RDH13: variants seen among roughly 807,000 people sequenced by gnomAD.
RDH13 encodes retinol dehydrogenase 13.
RDH13 carries 35 observed loss-of-function variants against 28.3 expected under a neutral mutation model. The observed-to-expected ratio is 1.24, with a 90% CI of 0.95 to 1.64. The LOEUF (loss-of-function observed/expected upper bound fraction) is 1.64, where lower values mean the gene tolerates loss of function less well. Among genes scored for constraint, RDH13 ranks in the 40% most tolerant of loss-of-function variants. The pLI is 0.00. For missense variants in RDH13, 514 were observed against 446.3 expected, an observed-to-expected ratio of 1.15 and a Z score of -1.37; for synonymous variants, 229 against 198.5, an observed-to-expected ratio of 1.15 and a Z score of -1.29.
At chr19:55,059,831 T>C (rs2075756305) in intron 1 of RDH13, among the ~76,000 whole-genome samples, 1 of 152,252 alleles carries the variant, frequency 6.6e-6, no homozygotes, top group South Asian at 2.1e-4. Context: ...CCAGCCACTT[T>C]GACCCAATCT....
intron 2 of RDH13, among the ~76,000 whole-genome samples, chr19:55,057,472 A>C (rs1227700172): frequency 1.4e-5 from 2 of 143,736 alleles, no homozygotes; most frequent in Non-Finnish European, 1.5e-5. Context: ...TCACTCTGTC[A>C]CCCAGGCTGG....
upstream of RDH13, among the ~76,000 whole-genome samples, chr19:55,064,846 CAG>C (rs529040650): frequency 8.1e-4 from 122 of 149,956 alleles, 2 homozygotes; most frequent in South Asian, 0.018. Flanking sequence ...CTCCTGACCT[CAG>C]GTGATCCACC....
At chr19:55,048,288 A>G (rs1232611970) in intron 5 of RDH13, 41 bp downstream of exon 5, 1 of 1,611,944 alleles carries the variant, frequency 6.2e-7, no homozygotes, top group Admixed American at 1.7e-5. Flanking sequence ...CTCTAGGCTC[A>G]GAGTAAAGCA....
chr19:55,045,189 T>G lies in RDH13; in HGVS notation c.881A>C (p.Lys294Thr), dbSNP rs367996469. The change falls in exon 7 of 7, where the codon AAG (lysine) becomes ACG (threonine). Residue 294 changes from lysine (K) to threonine (T), a missense_variant. Lys to Thr is a moderately conservative substitution (Grantham distance 78, BLOSUM62 -1). Coordinates refer to ENST00000415061, the MANE Select transcript of RDH13 (RefSeq NM_001145971.2). Reference protein sequence around the residue: ...SGKYFDGLKQKAPAPEAEDEE... With the variant: ...SGKYFDGLKQTAPAPEAEDEE... ...ATCCTCAGCCTCGGGGGCCGGGGCCTTCTGTTTGAGTCCATCGAAGTACTT... is the reference window on the plus strand; with the variant it reads ...ATCCTCAGCCTCGGGGGCCGGGGCCGTCTGTTTGAGTCCATCGAAGTACTT... 5 of 1,613,544 alleles carry G rather than the reference T, an allele frequency of 3.1e-6. No individual in the cohort carries two copies. Among genetic ancestry groups the G allele is most frequent in the Non-Finnish European group, 1.7e-6 (2 of 1,180,030 alleles).
chr19:55,060,245 A>G (rs1025457624), intron 1 of RDH13, among the ~76,000 whole-genome samples: 3 of 151,448 alleles, frequency 2.0e-5, no homozygotes, highest in Non-Finnish European at 4.4e-5. Flanking sequence ...CTGATTGTAC[A>G]TTTGTTCAAT....
intron 3 of RDH13, 99 bp from the exon 4 acceptor site, chr19:55,048,862 TGGCCTGTGCCGGAAACAG>T: frequency 9.2e-7 from 1 of 1,082,304 alleles, no homozygotes; most frequent in Non-Finnish European, 1.4e-6. Flanking sequence ...CCTGTGAATG[TGGCCTGTGCCGGAAACAG>T]GGTCTGTGCC....
Position 55,048,370 on chromosome 19 carries a change from G to A in RDH13, c.617C>T (p.Ala206Val), listed in dbSNP as rs2075309964. Reference protein sequence around the residue: ...TKAAYCQSKLAIVLFTKELSR... With the variant: ...TKAAYCQSKLVIVLFTKELSR... ...CAGCTCCTTGGTGAAGAGGACGATG[G>A]CGAGCTTGCTCTGGCAGTAGGCGGC... Residue 206 changes from alanine (A) to valine (V), a missense_variant, in exon 5 of 7, where the codon GCC (alanine) becomes GTC (valine). Ala to Val is a moderately conservative substitution (Grantham distance 64, BLOSUM62 0). Transcript: ENST00000415061. 6.2e-7 allele frequency: 1 copy of A among 1,614,082 alleles called. No individual in the cohort carries two copies. The highest frequency in any genetic ancestry group is 1.7e-5 in the Admixed American group (1 of 59,992).
At position 55,059,221 on chromosome 19, in the gene RDH13, C is replaced by T. The variant is rs369685132; in HGVS notation, c.120G>A (p.Thr40=). 62 of 1,605,700 alleles carry T rather than the reference C, an allele frequency of 3.9e-5. No homozygotes were observed. The African/African-American group carries it at 6.0e-4, about 16-fold the overall frequency. The change falls in exon 2 of 7, where the codon ACG becomes ACA. Residue 40 remains threonine, a synonymous_variant. Coordinates refer to ENST00000415061, the MANE Select transcript of RDH13 (RefSeq NM_001145971.2). ...CTGTGTTGGCACCCGTCACGATGACCGTCTTCCCAGGGATGGTGGCCTTGC... is the reference window on the plus strand; with the variant it reads ...CTGTGTTGGCACCCGTCACGATGACTGTCTTCCCAGGGATGGTGGCCTTGC... The part of the protein sequence containing the change: ...CPSKATIPGK[T]VIVTGANTGI...
At chr19:55,051,962 G>A (rs2147023798) in intron 3 of RDH13, among the ~76,000 whole-genome samples, 1 of 151,676 alleles carries the variant, frequency 6.6e-6, no homozygotes, top group East Asian at 2.0e-4. Flanking sequence ...GAATTTCTGA[G>A]CTTAGGCAAT....
intron 3 of RDH13, chr19:55,053,950 G>GCATTGCCCTCT (rs2075547530): frequency 6.6e-6 from 1 of 151,896 alleles, no homozygotes; most frequent in Non-Finnish European, 1.5e-5. Flanking sequence ...AGACTCTGAG[G>GCATTGCCCTCT]CATTGCCCTC....
downstream of RDH13, chr19:55,040,774 A>G (rs1471591910): frequency 6.6e-6 from 1 of 152,244 alleles, no homozygotes; most frequent in African/African-American, 2.4e-5. Context: ...CACTTATTGA[A>G]CGAGTGGTTT....
chr19:55,043,545 G>C (rs1334862509), downstream of RDH13, among the ~76,000 whole-genome samples: 3 of 151,856 alleles, frequency 2.0e-5, no homozygotes, highest in African/African-American at 7.3e-5. Flanking sequence ...GTGGGCGCCT[G>C]TAATCCCAGC....
chr19:55,051,478 C>T (rs1452617189), intron 3 of RDH13, among the ~76,000 whole-genome samples: 2 of 151,572 alleles, frequency 1.3e-5, no homozygotes, highest in Non-Finnish European at 2.9e-5. Flanking sequence ...GGCTGGAGTG[C>T]AGTGGTGTGA....
upstream of RDH13, among the ~76,000 whole-genome samples, chr19:55,066,324 C>T (rs939539151): frequency 2.2e-4 from 34 of 152,128 alleles, no homozygotes; most frequent in African/African-American, 8.0e-4. Flanking sequence ...TTTGCTTTCC[C>T]CATCAGAGGG....
At chr19:55,046,938 G>C (rs1378920989) in intron 6 of RDH13, 1 of 176,258 alleles carries the variant, frequency 5.7e-6, no homozygotes, top group Non-Finnish European at 1.2e-5. Flanking sequence ...CTATTCTCTG[G>C]GCGGGGTCCT....
chr19:55,067,382 A>G (rs2075980282), upstream of RDH13: 1 of 152,142 alleles, frequency 6.6e-6, no homozygotes, highest in African/African-American at 2.4e-5. Context: ...CGGCCATGTG[A>G]GCCGGCAAGA....
Position 55,049,929 on chromosome 19 carries a change from TC to T in RDH13, c.341-1167del, listed in dbSNP as rs1336927670. On this transcript the variant is annotated intron_variant, in intron 3 of 6. Coordinates refer to ENST00000415061, the MANE Select transcript of RDH13 (RefSeq NM_001145971.2). ...GGCTCACAGGTGACCATCTCCTCTC[TC>T]CCTCTTCCCTTCCTCTTCCCTTTGG... Among the ~76,000 whole-genome samples the T allele has an allele frequency of 2.0e-3, 215 of 106,742 alleles. 1 individual carries two copies. The highest frequency in any genetic ancestry group is 0.013 in the South Asian group (47 of 3,560). 70.0% of individuals were successfully genotyped at this position (106,742 alleles called of 152,430 possible).
chr19:55,066,711 CTCTT>C (rs1206676180), upstream of RDH13, among the ~76,000 whole-genome samples: 1 of 151,534 alleles, frequency 6.6e-6, no homozygotes, highest in Non-Finnish European at 1.5e-5. Flanking sequence ...CTTCCTCTCT[CTCTT>C]CTTGTGTGTG....
Position 55,048,471 on chromosome 19 carries a change from G to C in RDH13, c.516C>G (p.Leu172=). 6.2e-7 allele frequency: 1 copy of C among 1,614,254 alleles called. No homozygotes were observed. Among genetic ancestry groups the C allele is most frequent in the South Asian group, 1.1e-5 (1 of 91,088 alleles). The part of the protein sequence containing the change: ...KASAPSRIIN[L]SSLAHVAGHI... ...GCCCAGCAACATGGGCCAGGGACGA[G>C]AGGTTGATGATCCGCGAAGGGGCTG... The change falls in exon 5 of 7, where the codon CTC becomes CTG. Residue 172 remains leucine, a synonymous_variant. Transcript: ENST00000415061.
Sources: gnomAD v4.1 joint callset for allele counts (sites outside exome capture counted in the v4.1 genomes callset) on GRCh38, gnomAD v4.1.1 for gene constraint, MANE v1.5 for transcripts, NCBI Gene and HGNC (gene_info 2026-07-23, HGNC 2026-07-21) for gene names.